The following DPYD variants were observed in gnomAD, a reference collection of about 807,000 sequenced individuals.
The protein encoded by DPYD is dihydropyrimidine dehydrogenase [NADP(+)].
Under a neutral mutation model 116.2 loss-of-function variants are expected in DPYD, and 109 were observed. The ratio of observed to expected loss-of-function variants is 0.94; its 90% CI spans 0.80 to 1.10. The LOEUF is 1.10. Among genes scored for constraint, DPYD ranks in the 50% least tolerant of loss-of-function variants. DPYD has a pLI of 0.00. For synonymous variants in DPYD, 440 were observed against 432.0 expected (o/e 1.02, Z -0.23); for missense variants, 1,302 against 1,254.5 (o/e 1.04, Z -0.57).
At chr1:97,542,063 T>C (rs1320609881) in intron 12 of DPYD, among the ~76,000 whole-genome samples, 2 of 152,184 alleles carry the variant, frequency 1.3e-5, no homozygotes, top group Admixed American at 6.5e-5. Flanking sequence ...TAATACCAGA[T>C]CTGACACTAC....
chr1:97,417,060 A>T lies in DPYD; in HGVS notation c.1905+32999T>A, dbSNP rs4543837. 6.0e-3 allele frequency among the ~76,000 whole-genome samples: 914 copies of T among 152,288 alleles called. 11 individuals carry two copies. Among genetic ancestry groups the T allele is most frequent in the African/African-American group, 0.021 (876 of 41,558 alleles). On this transcript the variant is annotated intron_variant, in intron 14 of 22. Transcript: ENST00000370192. Reference sequence around the variant, plus strand: ...TATTACTAATTAAGGCACATTATTAATTATTTAAAAATGAACATATTTCCC... The same window carrying T: ...TATTACTAATTAAGGCACATTATTATTTATTTAAAAATGAACATATTTCCC...
intron 11 of DPYD, among the ~76,000 whole-genome samples, chr1:97,550,061 A>T (rs1238236029): frequency 5.3e-5 from 8 of 152,164 alleles, no homozygotes; most frequent in African/African-American, 1.9e-4. Context: ...TACATACAAA[A>T]TACATTTTTC....
intron 2 of DPYD, among the ~76,000 whole-genome samples, chr1:97,830,519 C>T (rs186846235): frequency 1.3e-5 from 2 of 152,148 alleles, no homozygotes; most frequent in African/African-American, 4.8e-5. Context: ...GGAGACCATC[C>T]TGGCCAACAT....
intron 20 of DPYD, among the ~76,000 whole-genome samples, chr1:97,127,844 C>T (rs1652967027): frequency 6.6e-6 from 1 of 152,146 alleles, no homozygotes; most frequent in Non-Finnish European, 1.5e-5. Flanking sequence ...CTCCACTGAG[C>T]ATCTTCTTGG....
Position 97,322,115 on chromosome 1 carries a change from G to T in DPYD, c.2059-15818C>A, listed in dbSNP as rs1361334584. Among the ~76,000 whole-genome samples, 3 of 133,238 alleles carry T rather than the reference G, an allele frequency of 2.3e-5. No homozygotes were observed. In the Admixed American group the frequency reaches 2.3e-4, roughly 10 times the overall value. The allele number at this position is 133,238 out of a possible 152,430, so 87.4% of individuals were successfully genotyped here. On this transcript the variant is annotated intron_variant, in intron 16 of 22. Transcript: ENST00000370192. The stretch of plus-strand genomic sequence containing the variant: ...GGGGGGAGGGGGGAGGGATAGCATT[G>T]GGAGATATACCTAATGCTAGATGAC...
intron 19 of DPYD, among the ~76,000 whole-genome samples, chr1:97,230,589 T>C (rs1661520896): frequency 6.6e-6 from 1 of 152,110 alleles, no homozygotes. Flanking sequence ...GAAAAAAGTT[T>C]ACCTATGTAG....
intron 13 of DPYD, among the ~76,000 whole-genome samples, chr1:97,454,581 G>T (rs988664714): frequency 6.6e-6 from 1 of 151,868 alleles, no homozygotes; most frequent in African/African-American, 2.4e-5. Context: ...AAAAGGAAGT[G>T]TTAGGTAATA....
intron 14 of DPYD, among the ~76,000 whole-genome samples, chr1:97,430,189 G>A (rs1182582716): frequency 6.6e-6 from 1 of 152,112 alleles, no homozygotes. Context: ...ATGGCTGGGA[G>A]TAAATCTGAA....
intron 14 of DPYD, among the ~76,000 whole-genome samples, chr1:97,441,397 T>C (rs1053634734): frequency 2.0e-5 from 3 of 152,150 alleles, no homozygotes; most frequent in African/African-American, 7.2e-5. Context: ...TCTCTTTCTC[T>C]GTTTGCGTGT....
intron 9 of DPYD, among the ~76,000 whole-genome samples, chr1:97,594,385 T>C (rs1654734548): frequency 6.6e-6 from 1 of 152,162 alleles, no homozygotes; most frequent in Non-Finnish European, 1.5e-5. Context: ...TGAAGAATAA[T>C]TTAATATAGA....
intron 14 of DPYD, among the ~76,000 whole-genome samples, chr1:97,439,715 C>A (rs747615469): frequency 7.3e-5 from 11 of 151,658 alleles, no homozygotes; most frequent in Non-Finnish European, 1.2e-4. Context: ...AATTTCATTT[C>A]TTTTCCACTC....
At chr1:97,183,114 G>T (rs935999204) in intron 20 of DPYD, among the ~76,000 whole-genome samples, 10 of 120,762 alleles carry the variant, frequency 8.3e-5, no homozygotes, top group Admixed American at 8.0e-5. Flanking sequence ...TTTCCCCAAG[G>T]TTATAAAGAT....
At chr1:97,375,029 CAAAAAAAAAA>C (rs35693384) in intron 15 of DPYD, among the ~76,000 whole-genome samples, 11 of 116,110 alleles carry the variant, frequency 9.5e-5, no homozygotes, top group Non-Finnish European at 1.8e-4. Flanking sequence ...ACTCCAGTTC[CAAAAAAAAAA>C]AAAAAAAAAG....
At position 97,764,779 on chromosome 1, in the gene DPYD, C is replaced by T. The variant is rs545037212; in HGVS notation, c.234-24300G>A. ...CCATATTTGTTTTAGAGATTTATTA[C>T]GTACTTCTCCCTGTAGACTGAAAAT... is the stretch of plus-strand genomic sequence containing the variant. On this transcript the variant is annotated intron_variant, in intron 3 of 22. Coordinates refer to ENST00000370192, the MANE Select transcript of DPYD (RefSeq NM_000110.4). 1.5e-4 allele frequency among the ~76,000 whole-genome samples: 23 copies of T among 152,122 alleles called. 2 individuals carry two copies. In the South Asian group the frequency reaches 3.9e-3, roughly 26 times the overall value.
chr1:97,204,682 T>C (rs1659470528), intron 19 of DPYD, among the ~76,000 whole-genome samples: 1 of 152,156 alleles, frequency 6.6e-6, no homozygotes, highest in South Asian at 2.1e-4. Context: ...TGTGATTCCC[T>C]TACTCAGAGG....
At chr1:97,781,292 T>A (rs1369074427) in intron 3 of DPYD, among the ~76,000 whole-genome samples, 1 of 152,242 alleles carries the variant, frequency 6.6e-6, no homozygotes, top group Non-Finnish European at 1.5e-5. Flanking sequence ...AAAAATTACC[T>A]ATGATTTTAA....
intron 18 of DPYD, among the ~76,000 whole-genome samples, chr1:97,246,339 A>C (rs1462967412): frequency 1.3e-5 from 2 of 152,166 alleles, no homozygotes; most frequent in Non-Finnish European, 2.9e-5. Context: ...AAACATGGAC[A>C]ACCCATGTTC....
intron 19 of DPYD, among the ~76,000 whole-genome samples, chr1:97,217,077 G>A (rs1660453416): frequency 6.6e-6 from 1 of 151,894 alleles, no homozygotes; most frequent in African/African-American, 2.4e-5. Context: ...ACATGGTGGT[G>A]GGTGCCTGTA....
At chr1:97,167,173 G>C (rs1383430455) in intron 20 of DPYD, among the ~76,000 whole-genome samples, 6 of 152,100 alleles carry the variant, frequency 3.9e-5, no homozygotes, top group Admixed American at 1.3e-4. Context: ...CATTAAAAGT[G>C]TACATTTTTC....
Sources: gnomAD v4.1 joint callset for allele counts (sites outside exome capture counted in the v4.1 genomes callset) on GRCh38, gnomAD v4.1.1 for gene constraint, MANE v1.5 for transcripts, NCBI Gene and HGNC (gene_info 2026-07-23, HGNC 2026-07-21) for gene names.